UBE3A: variants seen among roughly 807,000 people sequenced by gnomAD.
The protein encoded by UBE3A is ubiquitin protein ligase E3A, also known as ubiquitin-protein ligase E3A.
A neutral mutation model predicts 83.4 loss-of-function variants in UBE3A; 6 were observed. The observed-to-expected ratio is 0.07, with a 90% CI of 0.04 to 0.14. The LOEUF (loss-of-function observed/expected upper bound fraction) is 0.14. Ranked by LOEUF, UBE3A falls within the 10% of genes least tolerant of loss-of-function variation. UBE3A has a pLI of 1.00. For synonymous variants in UBE3A, 337 were observed against 355.4 expected, an observed-to-expected ratio of 0.95 and a Z score of 0.58; for missense variants, 456 against 1,036.1, an observed-to-expected ratio of 0.44 and a Z score of 7.69.
At chr15:25,430,047 ATATT>A (rs1351207417) in intron 1 of UBE3A, among the ~76,000 whole-genome samples, 2 of 108,186 alleles carry the variant, frequency 1.8e-5, no homozygotes, top group Non-Finnish European at 3.5e-5. Context: ...ATATATATAT[ATATT>A]TATATGTATT....
In UBE3A at chr15:25,335,525, G is replaced by C. The variant is rs1180605300; in HGVS notation, c.*3612C>G. 6.6e-6 allele frequency: 1 copy of C among 152,194 alleles called. No individual in the cohort carries two copies. Among genetic ancestry groups the C allele is most frequent in the Non-Finnish European group, 1.5e-5 (1 of 68,042 alleles). 9.4% of individuals were successfully genotyped at this position (152,194 alleles called of 1,614,324 possible). On this transcript the variant is annotated 3_prime_UTR_variant, in exon 13 of 13. Coordinates refer to ENST00000648336, the MANE Select transcript of UBE3A (RefSeq NM_130839.5). ...CAGAGGATCAGGACCTGTAAGGGCA[G>C]TATAAAGAAGGAAGGAATGATGGGA...
chr15:25,404,434 C>T (rs1037892125), intron 4 of UBE3A, among the ~76,000 whole-genome samples: 1 of 152,080 alleles, frequency 6.6e-6, no homozygotes, highest in Non-Finnish European at 1.5e-5. Flanking sequence ...CTTAATACCT[C>T]GAAAAACTTT....
chr15:25,352,691 G>A (rs1047270162), intron 11 of UBE3A, among the ~76,000 whole-genome samples: 1 of 152,170 alleles, frequency 6.6e-6, no homozygotes, highest in Non-Finnish European at 1.5e-5. Flanking sequence ...GTTATTACAA[G>A]CACTACTTTA....
At chr15:25,353,975 T>TACA (rs1197392939) in intron 11 of UBE3A, 1 of 262,570 alleles carries the variant, frequency 3.8e-6, no homozygotes, top group Non-Finnish European at 7.3e-6. Flanking sequence ...CAAAAAGTGC[T>TACA]TGATCCTGGG....
Position 25,338,424 on chromosome 15 carries a change from G to C in UBE3A, c.*713C>G, listed in dbSNP as rs1042376028. ...AAGACACATGAAGACGACATACTGT[G>C]GCATGAGTTGTTTTTGTTTTTAATT... is the stretch of plus-strand genomic sequence containing the variant. On this transcript the variant is annotated 3_prime_UTR_variant, in exon 13 of 13. Transcript: ENST00000648336. The C allele has an allele frequency of 6.6e-6, 1 of 152,016 alleles. No homozygotes were observed. The highest frequency in any genetic ancestry group is 2.4e-5 in the African/African-American group (1 of 41,398). 9.4% of individuals were successfully genotyped at this position (152,016 alleles called of 1,614,324 possible). A position where few individuals can be genotyped will look rare whatever the true frequency, so the allele number is the denominator to read the frequency against.
intron 4 of UBE3A, among the ~76,000 whole-genome samples, chr15:25,381,354 C>A (rs2082136807): frequency 6.6e-6 from 1 of 151,656 alleles, no homozygotes; most frequent in South Asian, 2.1e-4. Flanking sequence ...GAAACAGCTG[C>A]CAGAAAGTGA....
intron 11 of UBE3A, among the ~76,000 whole-genome samples, chr15:25,349,389 GA>G (rs1566865860): frequency 6.6e-6 from 1 of 151,992 alleles, no homozygotes; most frequent in Non-Finnish European, 1.5e-5. Context: ...AACCATAAAA[GA>G]AAAAATAAAT....
intron 4 of UBE3A, among the ~76,000 whole-genome samples, chr15:25,382,036 G>A (rs189218759): frequency 1.6e-4 from 24 of 152,264 alleles, no homozygotes; most frequent in Admixed American, 2.6e-4. Flanking sequence ...TTTTATGGCC[G>A]GGTGCAGTGG....
At chr15:25,423,779 A>G (rs1265834977) in intron 1 of UBE3A, among the ~76,000 whole-genome samples, 3 of 152,198 alleles carry the variant, frequency 2.0e-5, no homozygotes, top group African/African-American at 7.2e-5. Flanking sequence ...AATTTATAAG[A>G]ATTATCCAAC....
chr15:25,367,219 ATTTACATATTTGTAAATATG>A (rs1566940968), intron 6 of UBE3A, among the ~76,000 whole-genome samples: 1 of 74,112 alleles, frequency 1.3e-5, no homozygotes, highest in Non-Finnish European at 2.3e-5. Flanking sequence ...ATATGTAAAT[ATTTACATATTTGTAAATATG>A]TAAATATTTG....
intron 11 of UBE3A, among the ~76,000 whole-genome samples, chr15:25,348,479 T>C (rs1180747973): frequency 2.0e-5 from 3 of 152,154 alleles, no homozygotes; most frequent in Non-Finnish European, 4.4e-5. Flanking sequence ...CCAAAGGTTC[T>C]AGCCAGTGCA....
At chr15:25,339,304 G>A (rs761484197) in intron 12 of UBE3A, 47 bp from the exon 13 acceptor site, 2 of 1,599,280 alleles carry the variant, frequency 1.3e-6, no homozygotes, top group South Asian at 1.1e-5. Context: ...TAAGTCATGG[G>A]AAATACACTT....
intron 6 of UBE3A, among the ~76,000 whole-genome samples, chr15:25,365,534 G>T (rs2078943595): frequency 1.3e-5 from 2 of 151,590 alleles, no homozygotes; most frequent in Admixed American, 6.5e-5. Flanking sequence ...GGATCACGAG[G>T]TCAGGAGATT....
chr15:25,409,124 G>C lies in UBE3A; in HGVS notation c.-17C>G, dbSNP rs2089391065. The C allele has an allele frequency of 1.9e-6, 3 of 1,595,322 alleles. No individual in the cohort carries two copies. In the African/African-American group the frequency reaches 4.0e-5, roughly 21 times the overall value. ...TGTGGCCATTCGGTGACATCAGGGT[G>C]ATCACAGCTTTGAGTCACTGATTAA... On this transcript the variant is annotated 5_prime_UTR_variant, in exon 3 of 13. It adds an upstream start codon to the 5' untranslated region. Coordinates refer to ENST00000648336, the MANE Select transcript of UBE3A (RefSeq NM_130839.5).
intron 11 of UBE3A, among the ~76,000 whole-genome samples, chr15:25,351,104 C>T (rs2076427060): frequency 6.6e-6 from 1 of 152,174 alleles, no homozygotes; most frequent in Admixed American, 6.5e-5. Flanking sequence ...TGATAACATT[C>T]AGAGAGCAGT....
intron 6 of UBE3A, among the ~76,000 whole-genome samples, chr15:25,362,023 G>A (rs911068852): frequency 2.0e-5 from 3 of 152,198 alleles, no homozygotes; most frequent in South Asian, 2.1e-4. Context: ...TTAGTGGGTA[G>A]TCTAATCCAT....
At chr15:25,363,244 T>TC (rs1253409921) in intron 6 of UBE3A, among the ~76,000 whole-genome samples, 1 of 151,260 alleles carries the variant, frequency 6.6e-6, no homozygotes, top group Non-Finnish European at 1.5e-5. Flanking sequence ...CTCTCTTATT[T>TC]CATCTGTAAA....
At position 25,438,675 on chromosome 15, in the gene UBE3A, C is replaced by G. The variant is rs1020642488; in HGVS notation, c.-351G>C. 1 of 152,606 alleles carries G rather than the reference C, an allele frequency of 6.6e-6. No homozygotes were observed. The highest frequency in any genetic ancestry group is 2.4e-5 in the African/African-American group (1 of 41,458). 9.5% of individuals were successfully genotyped at this position (152,606 alleles called of 1,614,324 possible). ...AGGGAGCGCCGGGGCCGCCGAAATC[C>G]CGGCGTTCGTCGCCAGCCGCCGCTG... On this transcript the variant is annotated 5_prime_UTR_variant, in exon 1 of 13. Transcript: ENST00000648336.
In UBE3A at chr15:25,336,524, T is replaced by C. The variant is rs2073969236; in HGVS notation, c.*2613A>G. On this transcript the variant is annotated 3_prime_UTR_variant, in exon 13 of 13. Coordinates refer to ENST00000648336, the MANE Select transcript of UBE3A (RefSeq NM_130839.5). ...GATGAGTAACATCGGCAAGTTCTGT[T>C]CGAAGCCTTTTTCAAGTTTCTTTTT... 6.6e-6 allele frequency: 1 copy of C among 152,054 alleles called. No homozygotes were observed. Among genetic ancestry groups the C allele is most frequent in the Admixed American group, 6.5e-5 (1 of 15,270 alleles). The allele number at this position is 152,054 out of a possible 1,614,324, so 9.4% of individuals were successfully genotyped here.
Sources: allele counts gnomAD v4.1 joint callset (sites outside exome capture counted in the v4.1 genomes callset), GRCh38; gene constraint gnomAD v4.1.1; transcripts MANE v1.5; gene names NCBI Gene and HGNC (gene_info 2026-07-23, HGNC 2026-07-21).